WNT2B: variants seen among roughly 807,000 people sequenced by gnomAD.
WNT2B encodes the protein protein Wnt-2b.
A neutral mutation model predicts 40.5 loss-of-function variants in WNT2B; 19 were observed. That is an observed-to-expected ratio of 0.47 (90% confidence interval 0.33 to 0.69). The LOEUF (loss-of-function observed/expected upper bound fraction) is 0.69. Among genes scored for constraint, WNT2B ranks in the 30% least tolerant of loss-of-function variants. WNT2B has a pLI of 0.02. For missense variants in WNT2B, 467 were observed against 556.4 expected (o/e 0.84, Z 1.62); for synonymous variants, 220 against 211.9 (o/e 1.04, Z -0.33).
intron 1 of WNT2B, among the ~76,000 whole-genome samples, chr1:112,488,402 G>A (rs1651486089): frequency 6.7e-6 from 1 of 149,658 alleles, no homozygotes; most frequent in South Asian, 2.2e-4. Flanking sequence ...TCACATGACA[G>A]GCAGTCAAAA....
chr1:112,486,132 A>AACACACACACACACACACACACAC (rs71584737), intron 1 of WNT2B, among the ~76,000 whole-genome samples: 1,842 of 143,764 alleles, frequency 0.013, 53 homozygotes, highest in African/African-American at 0.042. Flanking sequence ...ATGAGTTTTT[A>AACACACACACACACACACACACAC]ACACACACAC....
chr1:112,473,822 C>T (rs1053483564), intron 1 of WNT2B, among the ~76,000 whole-genome samples: 1 of 150,762 alleles, frequency 6.6e-6, no homozygotes, highest in East Asian at 2.0e-4. Flanking sequence ...TTTGGGAGGC[C>T]GAGGCGGGTG....
rs1653158411 is a variant in WNT2B, at chr1:112,524,808, G to A, written c.*4299G>A. The A allele has an allele frequency of 6.6e-6, 1 of 151,908 alleles. No individual in the cohort carries two copies. Among genetic ancestry groups the A allele is most frequent in the Admixed American group, 6.6e-5 (1 of 15,258 alleles). The allele number at this position is 151,908 out of a possible 1,614,324, so 9.4% of individuals were successfully genotyped here. Reference sequence around the variant, plus strand: ...CAGACACATAGAGAACTTCTCTCAGGCTGCATAGGAGTTCTGCTCATCCTC... The same window carrying A: ...CAGACACATAGAGAACTTCTCTCAGACTGCATAGGAGTTCTGCTCATCCTC... On this transcript the variant is annotated 3_prime_UTR_variant, in exon 5 of 5. Coordinates refer to ENST00000369684, the MANE Select transcript of WNT2B (RefSeq NM_024494.3).
rs1652894521 is a variant in WNT2B at position 112,521,749 on chromosome 1, T to A, written c.*1240T>A. On this transcript the variant is annotated 3_prime_UTR_variant, in exon 5 of 5. Transcript: ENST00000369684. ...ACCCATTGCCTAACTAGGTTTGCAG[T>A]AGTGGAATCTCCAGAGATAGCAGGC... The A allele has an allele frequency of 1.3e-5, 2 of 152,180 alleles. No homozygotes were observed. The highest frequency in any genetic ancestry group is 4.8e-5 in the African/African-American group (2 of 41,426). 9.4% of individuals were successfully genotyped at this position (152,180 alleles called of 1,614,324 possible). A position where few individuals can be genotyped will look rare whatever the true frequency, so the allele number is the denominator to read the frequency against.
At chr1:112,477,153 T>A (rs890164512) in intron 1 of WNT2B, among the ~76,000 whole-genome samples, 4 of 152,192 alleles carry the variant, frequency 2.6e-5, no homozygotes, top group African/African-American at 9.6e-5. Context: ...ATTTACCCTA[T>A]ACATGTCTTT....
At chr1:112,479,042 G>T (rs1241207078) in intron 1 of WNT2B, among the ~76,000 whole-genome samples, 1 of 152,064 alleles carries the variant, frequency 6.6e-6, no homozygotes, top group East Asian at 1.9e-4. Context: ...CCAACATGGT[G>T]AAACCTTGTC....
chr1:112,472,905 G>GT (rs1553229350), intron 1 of WNT2B, among the ~76,000 whole-genome samples: 1 of 148,812 alleles, frequency 6.7e-6, no homozygotes, highest in Non-Finnish European at 1.5e-5. Context: ...TGATGCTGCC[G>GT]TGAGTTGTGA....
intron 1 of WNT2B, among the ~76,000 whole-genome samples, chr1:112,479,905 G>A (rs1419605283): frequency 1.3e-5 from 2 of 151,728 alleles, no homozygotes; most frequent in Non-Finnish European, 1.5e-5. Context: ...GTAGAGACGG[G>A]GTTTCACGGT....
At position 112,521,732 on chromosome 1, in the gene WNT2B, C is replaced by CCTAA. The variant is rs1314914128; in HGVS notation, c.*1227_*1230dup. On this transcript the variant is annotated 3_prime_UTR_variant, in exon 5 of 5. Coordinates refer to ENST00000369684, the MANE Select transcript of WNT2B (RefSeq NM_024494.3). ...TAATGGGTAATGCTATTACCCATTG[C>CCTAA]CTAACTAGGTTTGCAGTAGTGGAAT... 2.6e-5 allele frequency: 4 copies of CCTAA among 152,114 alleles called. No homozygotes were observed. In the East Asian group the frequency reaches 7.7e-4, roughly 29 times the overall value. The allele number at this position is 152,114 out of a possible 1,614,324, so 9.4% of individuals were successfully genotyped here. A position where few individuals can be genotyped will look rare whatever the true frequency, so the allele number is the denominator to read the frequency against.
At chr1:112,505,853 G>C (rs1015581481), upstream of WNT2B, among the ~76,000 whole-genome samples, 18 of 152,192 alleles carry the variant, frequency 1.2e-4, no homozygotes, top group African/African-American at 4.3e-4. Context: ...CCTCATCCTA[G>C]GTTGTCCACT....
chr1:112,516,264 C>G lies in WNT2B; in HGVS notation c.528C>G (p.His176Gln), dbSNP rs778735460. ...GTGACCCCTACACCCGTGGCCGACA[C>G]CATGACCAGCGTGGGGACTTTGACT... ...CSCDPYTRGR[H>Q]HDQRGDFDWG... The change falls in exon 3 of 5, where the codon CAC becomes CAG. Residue 176 changes from histidine to glutamine, a missense_variant. This residue lies in a region of WNT2B where 330 missense variants were observed against 438.6 expected (regional missense o/e 0.75). Coordinates refer to ENST00000369684, the MANE Select transcript of WNT2B (RefSeq NM_024494.3). 5.6e-6 allele frequency: 9 copies of G among 1,613,984 alleles called. No homozygotes were observed.
Position 112,520,846 on chromosome 1 carries a change from G to A in WNT2B, c.*337G>A, listed in dbSNP as rs903943477. On this transcript the variant is annotated 3_prime_UTR_variant, in exon 5 of 5. Transcript: ENST00000369684. The stretch of plus-strand genomic sequence containing the variant: ...TTTCTTTCCTTTGCACCAGCTTCCC[G>A]ATACTTCTTGGTGTGCAAGAGGAAG... 29 of 293,936 alleles carry A rather than the reference G, an allele frequency of 9.9e-5. No individual in the cohort carries two copies. The Admixed American group carries it at 1.1e-3, about 11-fold the overall frequency. The allele number at this position is 293,936 out of a possible 1,614,324, so 18.2% of individuals were successfully genotyped here. A position where few individuals can be genotyped will look rare whatever the true frequency, so the allele number is the denominator to read the frequency against.
At chr1:112,503,477 A>G (rs1216769252) in intron 1 of WNT2B, among the ~76,000 whole-genome samples, 1 of 152,202 alleles carries the variant, frequency 6.6e-6, no homozygotes, top group Non-Finnish European at 1.5e-5. Context: ...GGCAAGAGAA[A>G]GAGAGAGACG....
intron 1 of WNT2B, among the ~76,000 whole-genome samples, chr1:112,473,580 G>T (rs1650958564): frequency 6.6e-6 from 1 of 151,942 alleles, no homozygotes; most frequent in Non-Finnish European, 1.5e-5. Context: ...AATGAACAAA[G>T]CATCAGTGAG....
rs1652271066 is a variant in WNT2B at position 112,509,556 on chromosome 1, C to T, written c.182+112C>T. ...GGCTGTTGCTTCGACGGGTTGGAGA[C>T]GATTCGGGCAGGACTGTCACTGAAA... On this transcript the variant is annotated intron_variant, in intron 1 of 4. Transcript: ENST00000369684. This position sits in a 1 kb window ranked among gnomAD's most constrained non-coding sequence, Gnocchi z 4.2. 1.6e-6 allele frequency: 2 copies of T among 1,247,638 alleles called. No individual in the cohort carries two copies. Among genetic ancestry groups the T allele is most frequent in the Non-Finnish European group, 2.1e-6 (2 of 942,680 alleles). 77.3% of individuals were successfully genotyped at this position (1,247,638 alleles called of 1,614,324 possible).
chr1:112,474,352 G>A (rs1234419604), intron 1 of WNT2B, among the ~76,000 whole-genome samples: 2 of 151,830 alleles, frequency 1.3e-5, no homozygotes, highest in Non-Finnish European at 2.9e-5. Flanking sequence ...GTTTCACCGC[G>A]TTAGCCAGGA....
At chr1:112,518,644 G>C (rs1369613074) in intron 4 of WNT2B, among the ~76,000 whole-genome samples, 1 of 152,160 alleles carries the variant, frequency 6.6e-6, no homozygotes, top group Admixed American at 6.5e-5. Flanking sequence ...CATAACATCT[G>C]AGGTGTAAAC....
chr1:112,476,638 C>A (rs1021878932), intron 1 of WNT2B, among the ~76,000 whole-genome samples: 1 of 152,208 alleles, frequency 6.6e-6, no homozygotes, highest in African/African-American at 2.4e-5. Flanking sequence ...CCACAACCTC[C>A]ACCTGTGGGA....
chr1:112,498,277 G>A (rs568844437), intron 1 of WNT2B, among the ~76,000 whole-genome samples: 61 of 151,582 alleles, frequency 4.0e-4, no homozygotes, highest in Admixed American at 9.8e-4. Context: ...GTTTTGAGGC[G>A]GAGTCTCACT....
Sources: gnomAD v4.1 joint callset for allele counts (sites outside exome capture counted in the v4.1 genomes callset) on GRCh38, gnomAD v4.1.1 for gene constraint, gnomAD v4.1.1 regional missense constraint, Gnocchi (gnomAD v3.1) non-coding constraint, MANE v1.5 for transcripts, NCBI Gene and HGNC (gene_info 2026-07-23, HGNC 2026-07-21) for gene names.